Variants in MYH7B observed in about 807,000 individuals in gnomAD.
The protein encoded by MYH7B is myosin-7B.
A neutral mutation model predicts 234.5 loss-of-function variants in MYH7B; 205 were observed. That is an observed-to-expected ratio of 0.87 (90% confidence interval 0.78 to 0.98). The LOEUF (loss-of-function observed/expected upper bound fraction) is 0.98. MYH7B is among the 50% of genes least tolerant of loss of function. The pLI, the probability that MYH7B is intolerant of heterozygous loss-of-function variation, is 0.00. For missense variants in MYH7B, 2,652 were observed against 2,633.4 expected (o/e 1.01, Z -0.15); for synonymous variants, 1,193 against 1,105.0 (o/e 1.08, Z -1.58).
rs766285984 is a variant in MYH7B at position 34,994,140 on chromosome 20, C to A, written c.2445-6C>A. The A allele has an allele frequency of 3.1e-6, 5 of 1,609,762 alleles. No individual in the cohort carries two copies. Among genetic ancestry groups the A allele is most frequent in the Non-Finnish European group, 3.4e-6 (4 of 1,177,078 alleles). ...CCACCTTCACAGCTTGGCTGCCCCT[C>A]CCTAGGGATGCGCTGTTCACCATCC... On this transcript the variant is annotated splice_polypyrimidine_tract_variant and splice_region_variant and intron_variant, in intron 26 of 44. Transcript: ENST00000262873.
chr20:34,984,921 T>C (rs1203853603), exon 12 of MYH7B: 1 of 1,613,934 alleles, frequency 6.2e-7, no homozygotes, highest in Non-Finnish European at 8.5e-7. Flanking sequence ...GCCAAGACCC[T>C]GAGGAATGAT....
rs781351049 is a variant in MYH7B at position 35,000,685 on chromosome 20, C to T, written c.5174C>T (p.Ser1725Leu). 82 of 1,593,924 alleles carry T rather than the reference C, an allele frequency of 5.1e-5. No individual in the cohort carries two copies. The highest frequency in any genetic ancestry group is 9.4e-5 in the African/African-American group (7 of 74,786). Residue 1725 changes from serine to leucine, a missense_variant, in exon 39 of 45, where the codon TCG (serine) becomes TTG (leucine). Transcript: ENST00000262873. Reference sequence around the variant, plus strand: ...ACCGAGCGCCTCAACCTTCTGCATTCGCAGGTGGGGACAGGAGTCCCTGGG... The same window carrying T: ...ACCGAGCGCCTCAACCTTCTGCATTTGCAGGTGGGGACAGGAGTCCCTGGG...
Position 34,977,663 on chromosome 20 carries a change from C to T in MYH7B, c.-90C>T, listed in dbSNP as rs201494323. 1,009 of 1,576,972 alleles carry T rather than the reference C, an allele frequency of 6.4e-4. 8 individuals carry two copies. In the Middle Eastern group the frequency reaches 0.011, roughly 17 times the overall value. On this transcript the variant is annotated 5_prime_UTR_variant, in exon 4 of 45. Coordinates refer to ENST00000262873, the Ensembl canonical transcript of MYH7B. ...TAAAAGGGGTAGCAGAGCTTCCTGC[C>T]CTCACCGTGGTGCCGAGGTAGGTGA... is the stretch of plus-strand genomic sequence containing the variant.
chr20:34,988,678 T>C (rs1214645328), intron 19 of MYH7B, among the ~76,000 whole-genome samples: 1 of 152,130 alleles, frequency 6.6e-6, no homozygotes, highest in African/African-American at 2.4e-5. Flanking sequence ...ATTATGTATA[T>C]TTACCCATTG....
At chr20:34,998,255 A>G in intron 32 of MYH7B, 40 bp from the exon 33 acceptor site, 1 of 1,608,356 alleles carries the variant, frequency 6.2e-7, no homozygotes. Flanking sequence ...TTGTTCTGAC[A>G]TCTAACTCCT....
exon 5 of MYH7B, chr20:34,977,961 C>T (rs749344018): frequency 6.2e-7 from 1 of 1,613,972 alleles, no homozygotes; most frequent in Admixed American, 1.7e-5. Context: ...CGCCTTGAAC[C>T]TCCAGGGTTT....
chr20:34,973,595 T>A (rs1272621664), intron 2 of MYH7B, among the ~76,000 whole-genome samples: 1 of 152,206 alleles, frequency 6.6e-6, no homozygotes, highest in African/African-American at 2.4e-5. Flanking sequence ...GCAGGCTCAC[T>A]TTCCTCCAAG....
At chr20:34,993,702 G>A (rs982394801) in intron 26 of MYH7B, among the ~76,000 whole-genome samples, 5 of 152,242 alleles carry the variant, frequency 3.3e-5, no homozygotes, top group Admixed American at 6.5e-5. Context: ...GAGGGGTAGC[G>A]ATGGCACCCA....
chr20:34,997,396 G>A lies in MYH7B; in HGVS notation c.3503G>A (p.Arg1168His), dbSNP rs752710199. 2.3e-4 allele frequency: 337 copies of A among 1,490,388 alleles called. No individual in the cohort carries two copies. Among genetic ancestry groups the A allele is most frequent in the Non-Finnish European group, 2.9e-4 (324 of 1,129,946 alleles). The allele number at this position is 1,490,388 out of a possible 1,614,324, so 92.3% of individuals were successfully genotyped here. The change falls in exon 32 of 45, where the codon CGC becomes CAC. Residue 1168 changes from arginine (R) to histidine (H), a missense_variant. By Grantham distance (29) the Arg-to-His change is conservative. Coordinates refer to ENST00000262873, the Ensembl canonical transcript of MYH7B. ...GCAGGCGGCGCATCCGCGGGGCAGCGCGAGGGCTGCCGCAAGCGGGAGGCG... is the reference window on the plus strand; with the variant it reads ...GCAGGCGGCGCATCCGCGGGGCAGCACGAGGGCTGCCGCAAGCGGGAGGCG...
chr20:34,988,395 T>A (rs1009862651), intron 19 of MYH7B, 133 bp downstream of exon 19: 2 of 999,210 alleles, frequency 2.0e-6, no homozygotes, highest in Admixed American at 5.4e-5. Flanking sequence ...GCAGTAAGCA[T>A]GCATGTGAGT....
intron 43 of MYH7B, chr20:35,001,730 G>A (rs2082390189): frequency 1.2e-6 from 1 of 866,186 alleles, no homozygotes; most frequent in Non-Finnish European, 1.7e-6. Flanking sequence ...GGCCAAGGCT[G>A]GGGCTGCCTC....
intron 5 of MYH7B, 37 bp downstream of exon 5, chr20:34,978,133 G>A (rs1428153851): frequency 6.2e-7 from 1 of 1,612,128 alleles, no homozygotes; most frequent in Non-Finnish European, 8.5e-7. Flanking sequence ...CATAGCCACA[G>A]AGATGCCCTT....
chr20:34,968,216 G>A (rs1442171978), intron 2 of MYH7B, among the ~76,000 whole-genome samples: 3 of 152,238 alleles, frequency 2.0e-5, no homozygotes, highest in African/African-American at 7.2e-5. Context: ...ATTTGAAAAG[G>A]CAGTCCTGAC....
intron 2 of MYH7B, among the ~76,000 whole-genome samples, chr20:34,970,627 A>C (rs1235918544): frequency 6.6e-6 from 1 of 152,224 alleles, no homozygotes; most frequent in Non-Finnish European, 1.5e-5. Flanking sequence ...AGGGAGCTAT[A>C]GATAGATCCA....
At position 35,002,164 on chromosome 20, in the gene MYH7B, C is replaced by A; in HGVS notation, c.5815-13C>A. The A allele has an allele frequency of 6.3e-7, 1 of 1,578,412 alleles. No individual in the cohort carries two copies. Among genetic ancestry groups the A allele is most frequent in the Non-Finnish European group, 8.6e-7 (1 of 1,164,316 alleles). On this transcript the variant is annotated splice_polypyrimidine_tract_variant and intron_variant, in intron 44 of 44. Transcript: ENST00000262873. ...AGGTAGTACTGCTCACTCAGCTATCCCTTTCTCCTCAGCACAAGGAGTGAC... is the reference window on the plus strand; with the variant it reads ...AGGTAGTACTGCTCACTCAGCTATCACTTTCTCCTCAGCACAAGGAGTGAC...
chr20:34,996,543 G>A (rs776575044), intron 29 of MYH7B, 21 bp downstream of exon 29: 2 of 1,605,336 alleles, frequency 1.2e-6, no homozygotes, highest in East Asian at 4.5e-5. Flanking sequence ...GCCACCCCGA[G>A]ACTGGGTGGC....
In MYH7B at chr20:34,979,460, C is replaced by CG. The variant is rs1569034525; in HGVS notation, c.167dup (p.Arg57GlnfsTer16). The CG allele has an allele frequency of 1.9e-6, 3 of 1,613,804 alleles. No individual in the cohort carries two copies. Among genetic ancestry groups the CG allele is most frequent in the African/African-American group, 2.7e-5 (2 of 75,032 alleles). Reference sequence around the variant, plus strand: ...AGGCCGAGGTCAAGTCGGAGGCTACCGGGGGCAGAGTCACCGTGGAGACCA... The same window carrying CG: ...AGGCCGAGGTCAAGTCGGAGGCTACCGGGGGGCAGAGTCACCGTGGAGACCA... On this transcript the variant is annotated frameshift_variant, in exon 6 of 45. Transcript: ENST00000262873. LOFTEE classifies it high-confidence loss of function.
At chr20:34,993,066 A>T in intron 24 of MYH7B, 36 bp from the exon 25 acceptor site, 8 of 1,594,356 alleles carry the variant, frequency 5.0e-6, no homozygotes, top group Middle Eastern at 1.7e-4. Context: ...CCCCATACCC[A>T]GCCCTCTCCT....
exon 34 of MYH7B, chr20:34,998,570 A>C (rs780672901): frequency 6.2e-7 from 1 of 1,613,696 alleles, no homozygotes; most frequent in Admixed American, 1.7e-5. Flanking sequence ...GAGCCGTGGA[A>C]AGGCCCTGGC....
Sources: allele counts gnomAD v4.1 joint callset (sites outside exome capture counted in the v4.1 genomes callset), GRCh38; gene constraint gnomAD v4.1.1; transcripts MANE v1.5; gene names NCBI Gene and HGNC (gene_info 2026-07-23, HGNC 2026-07-21).